SPG11: variants seen among roughly 807,000 people sequenced by gnomAD.
The protein encoded by SPG11 is spatacsin.
A neutral mutation model predicts 274.0 loss-of-function variants in SPG11; 222 were observed. The ratio of observed to expected loss-of-function variants is 0.81; its 90% CI spans 0.73 to 0.91. The LOEUF is 0.91. SPG11 is among the 40% of genes least tolerant of loss of function. The pLI, the probability that SPG11 is intolerant of heterozygous loss-of-function variation, is 0.00. For synonymous variants in SPG11, 1,144 were observed against 1,039.7 expected (o/e 1.10, Z -1.93); for missense variants, 3,114 against 2,872.7 (o/e 1.08, Z -1.92).
At chr15:44,609,427 C>G (rs769458988) in intron 18 of SPG11, among the ~76,000 whole-genome samples, 1 of 151,990 alleles carries the variant, frequency 6.6e-6, no homozygotes, top group African/African-American at 2.4e-5. Flanking sequence ...CCGCACCCGG[C>G]CTTTAAACAA....
chr15:44,572,736 C>T lies in SPG11; in HGVS notation c.6290G>A (p.Gly2097Asp), dbSNP rs1209988143. 6.2e-7 allele frequency: 1 copy of T among 1,614,102 alleles called. No homozygotes were observed. The highest frequency in any genetic ancestry group is 1.3e-5 in the African/African-American group (1 of 75,034). Reference sequence around the variant, plus strand: ...GGAAATCTTATCCAACAACTTCATGCCTACCAATGTGCGGTCTTGACACAG... The same window carrying T: ...GGAAATCTTATCCAACAACTTCATGTCTACCAATGTGCGGTCTTGACACAG... ...TTLCQDRTLV[G>D]MKLLDKISSV... is the part of the protein sequence containing the mutation. The change falls in exon 33 of 40, where the codon GGC becomes GAC. Residue 2097 changes from glycine (G) to aspartate (D), a missense_variant. Coordinates refer to ENST00000261866, the MANE Select transcript of SPG11 (RefSeq NM_025137.4).
In SPG11 at chr15:44,621,909, A is replaced by G. The variant is rs1157197953; in HGVS notation, c.2470T>C (p.Phe824Leu). The G allele has an allele frequency of 6.2e-7, 1 of 1,613,690 alleles. No individual in the cohort carries two copies. Among genetic ancestry groups the G allele is most frequent in the African/African-American group, 1.3e-5 (1 of 74,920 alleles). ...PRYWIKEQDF[F>L]KHKSVLDSFL... ...GAGTCCAAAACAGACTTGTGCTTGA[A>G]AAAATCTTGTTCCTTTATCCAGTAC... is the stretch of plus-strand genomic sequence containing the variant. The change falls in exon 14 of 40, where the codon TTC (phenylalanine) becomes CTC (leucine). Residue 824 changes from phenylalanine (F) to leucine (L), a missense_variant. By Grantham distance (22) the Phe-to-Leu change is conservative. Transcript: ENST00000261866.
chr15:44,589,632 C>A (rs1167338805), intron 27 of SPG11, among the ~76,000 whole-genome samples: 1 of 152,186 alleles, frequency 6.6e-6, no homozygotes, highest in Non-Finnish European at 1.5e-5. Context: ...CACATTGTCT[C>A]TTTGTGGAAA....
chr15:44,647,757 AGGAAATAG>A (rs2084648234), intron 7 of SPG11, among the ~76,000 whole-genome samples: 1 of 152,226 alleles, frequency 6.6e-6, no homozygotes, highest in South Asian at 2.1e-4. Context: ...TGGAGACAAC[AGGAAATAG>A]GGAGTGGCCA....
chr15:44,570,434 C>T lies in SPG11; in HGVS notation c.6477+91G>A, dbSNP rs557613710. ...GTATCCAGATGGGCAGAACCCCCTA[C>T]GACTACATCAGCTCTGGGCTGGCTC... On this transcript the variant is annotated intron_variant, in intron 34 of 39. Transcript: ENST00000261866. 68 of 1,545,258 alleles carry T rather than the reference C, an allele frequency of 4.4e-5. 1 individual carries two copies. Among genetic ancestry groups the T allele is most frequent in the South Asian group, 1.2e-4 (10 of 85,196 alleles).
chr15:44,661,152 G>A (rs2085094025), intron 1 of SPG11, among the ~76,000 whole-genome samples: 1 of 152,178 alleles, frequency 6.6e-6, no homozygotes, highest in South Asian at 2.1e-4. Flanking sequence ...ATAGCCACAT[G>A]CAGCTACTGA....
rs1426979283 is a variant in SPG11, at chr15:44,598,544, A to C, written c.3892+87T>G. ...AAAGGATAAAACCAAGAAGATAACC[A>C]TTTTCTCCCCAAACACTCACAATTC... On this transcript the variant is annotated intron_variant, in intron 22 of 39. Transcript: ENST00000261866. 8 of 1,403,394 alleles carry C rather than the reference A, an allele frequency of 5.7e-6. No individual in the cohort carries two copies. In the Admixed American group the frequency reaches 1.4e-4, roughly 24 times the overall value. 86.9% of individuals were successfully genotyped at this position (1,403,394 alleles called of 1,614,324 possible). A position where few individuals can be genotyped will look rare whatever the true frequency, so the allele number is the denominator to read the frequency against.
intron 18 of SPG11, among the ~76,000 whole-genome samples, chr15:44,610,583 G>A (rs1429168895): frequency 6.6e-6 from 1 of 151,904 alleles, no homozygotes; most frequent in Non-Finnish European, 1.5e-5. Flanking sequence ...TCACCACGTT[G>A]GCCAGGCTGG....
At chr15:44,615,300 G>T in intron 16 of SPG11, 63 bp downstream of exon 16, 1 of 1,468,450 alleles carries the variant, frequency 6.8e-7, no homozygotes, top group Non-Finnish European at 9.5e-7. Context: ...TCACATTCAG[G>T]AGTCATATGC....
chr15:44,641,611 A>ACACACACACACAC (rs1350839140), intron 7 of SPG11, among the ~76,000 whole-genome samples: 3 of 150,166 alleles, frequency 2.0e-5, no homozygotes, highest in Non-Finnish European at 4.4e-5. Flanking sequence ...ACACACACAC[A>ACACACACACACAC]CACACACACA....
chr15:44,585,616 A>C lies in SPG11; in HGVS notation c.5121+20T>G. ...GACCCCGTATCTAAAAAAAAAAAAA[A>C]AAAAAAAGACCGATGATACCTCTTT... On this transcript the variant is annotated intron_variant, in intron 29 of 39. Coordinates refer to ENST00000261866, the MANE Select transcript of SPG11 (RefSeq NM_025137.4). The C allele has an allele frequency of 6.3e-7, 1 of 1,589,946 alleles. No individual in the cohort carries two copies. The highest frequency in any genetic ancestry group is 8.6e-7 in the Non-Finnish European group (1 of 1,165,504).
chr15:44,565,159 T>C (rs2082283827), intron 38 of SPG11, among the ~76,000 whole-genome samples: 1 of 152,192 alleles, frequency 6.6e-6, no homozygotes, highest in African/African-American at 2.4e-5. Flanking sequence ...TTTAAAGGGC[T>C]AGAACCAATC....
In SPG11 at chr15:44,596,686, A is replaced by T; in HGVS notation, c.4161+98T>A. 3 of 737,536 alleles carry T rather than the reference A, an allele frequency of 4.1e-6. No homozygotes were observed. The Admixed American group carries it at 9.1e-5, about 22-fold the overall frequency. 45.7% of individuals were successfully genotyped at this position (737,536 alleles called of 1,614,324 possible). On this transcript the variant is annotated intron_variant, in intron 24 of 39. Coordinates refer to ENST00000261866, the MANE Select transcript of SPG11 (RefSeq NM_025137.4). Reference sequence around the variant, plus strand: ...AAAAAAAAAAAAAAAAAAAAAAAAAAAAAAGGCCTATGTCATGTCTACACA... The same window carrying T: ...AAAAAAAAAAAAAAAAAAAAAAAAATAAAAGGCCTATGTCATGTCTACACA...
In SPG11 at chr15:44,578,986, T is replaced by C. The variant is rs1205361823; in HGVS notation, c.5867-3945A>G. ...GCCTGGCCAACATGGCGAAACCCTGTCTCTACTAAAAATACAAAATAATTA... is the reference window on the plus strand; with the variant it reads ...GCCTGGCCAACATGGCGAAACCCTGCCTCTACTAAAAATACAAAATAATTA... On this transcript the variant is annotated intron_variant, in intron 30 of 39. Transcript: ENST00000261866. Among the ~76,000 whole-genome samples the C allele has an allele frequency of 2.6e-5, 4 of 151,234 alleles. No homozygotes were observed. In the East Asian group the frequency reaches 7.8e-4, roughly 30 times the overall value.
At chr15:44,592,598 C>T (rs1478668312) in intron 26 of SPG11, among the ~76,000 whole-genome samples, 160 bp from the exon 27 acceptor site, 1 of 152,080 alleles carries the variant, frequency 6.6e-6, no homozygotes, top group Non-Finnish European at 1.5e-5. Flanking sequence ...CCAGTGGGAT[C>T]ACCTAAGGCC....
At chr15:44,634,346 C>T (rs1369537724) in intron 7 of SPG11, among the ~76,000 whole-genome samples, 1 of 152,134 alleles carries the variant, frequency 6.6e-6, no homozygotes, top group African/African-American at 2.4e-5. Context: ...ATGATCTCAC[C>T]TCACTGCAAC....
intron 28 of SPG11, chr15:44,588,623 G>A (rs1435753268): frequency 1.2e-4 from 52 of 437,506 alleles, no homozygotes; most frequent in Non-Finnish European, 1.1e-4. Context: ...GCTGAAGGCA[G>A]CCTAATCCTC....
intron 15 of SPG11, among the ~76,000 whole-genome samples, chr15:44,617,133 C>G (rs540757132): frequency 2.4e-4 from 37 of 152,282 alleles, no homozygotes; most frequent in African/African-American, 8.7e-4. Flanking sequence ...AGGGCTCCAT[C>G]AGGAGATAAA....
Position 44,567,727 on chromosome 15 carries a change from G to A in SPG11, c.6586-135C>T, listed in dbSNP as rs1207348552. The A allele has an allele frequency of 5.6e-6, 5 of 893,676 alleles. No individual in the cohort carries two copies. The Admixed American group carries it at 1.0e-4, about 18-fold the overall frequency. 55.4% of individuals were successfully genotyped at this position (893,676 alleles called of 1,614,324 possible). On this transcript the variant is annotated intron_variant, in intron 35 of 39. Transcript: ENST00000261866. ...GGAGCAAAAATGAGAATAAATACAA[G>A]TTTTATGCTGTCCCAAGTATGAGGA...
Sources: gnomAD v4.1 joint callset for allele counts (sites outside exome capture counted in the v4.1 genomes callset) on GRCh38, gnomAD v4.1.1 for gene constraint, MANE v1.5 for transcripts, NCBI Gene and HGNC (gene_info 2026-07-23, HGNC 2026-07-21) for gene names.